The following UMAD1 variants were observed in gnomAD, a reference collection of about 807,000 sequenced individuals.
The protein encoded by UMAD1 is UBAP1-MVB12-associated (UMA)-domain containing protein 1.
UMAD1 carries 8 observed loss-of-function variants against 6.1 expected under a neutral mutation model. The ratio of observed to expected loss-of-function variants is 1.30; its 90% CI spans 0.76 to 2.35. UMAD1 has a LOEUF of 2.35. Ranked by LOEUF, UMAD1 falls within the 30% of genes most tolerant of loss-of-function variation. The pLI is 0.00. For missense variants in UMAD1, 130 were observed against 78.4 expected (o/e 1.66, Z -2.49); for synonymous variants, 56 against 31.4 (o/e 1.78, Z -2.61).
At chr7:7,873,910 G>C (rs997536016) in intron 3 of UMAD1, among the ~76,000 whole-genome samples, 1 of 152,050 alleles carries the variant, frequency 6.6e-6, no homozygotes, top group Admixed American at 6.5e-5. Flanking sequence ...AGAAAATACT[G>C]TCTGTTCTAA....
chr7:7,817,776 A>G (rs935835544), intron 3 of UMAD1, among the ~76,000 whole-genome samples: 3 of 152,102 alleles, frequency 2.0e-5, no homozygotes, highest in African/African-American at 7.2e-5. Flanking sequence ...CACATTTTCA[A>G]TGGTACTTTT....
intron 2 of UMAD1, among the ~76,000 whole-genome samples, chr7:7,788,419 C>T (rs1444809181): frequency 6.6e-6 from 1 of 152,194 alleles, no homozygotes; most frequent in Non-Finnish European, 1.5e-5. Flanking sequence ...TATTTATTCT[C>T]ATACTATTTA....
intron 1 of UMAD1, among the ~76,000 whole-genome samples, chr7:7,664,319 T>C (rs1300640473): frequency 6.6e-6 from 1 of 152,196 alleles, no homozygotes; most frequent in African/African-American, 2.4e-5. Flanking sequence ...ACAACTGTCT[T>C]AACTTCTTGG....
intron 3 of UMAD1, among the ~76,000 whole-genome samples, chr7:7,809,737 T>C (rs1467354242): frequency 2.6e-5 from 4 of 152,038 alleles, no homozygotes; most frequent in East Asian, 1.9e-4. Context: ...TTTGATTTTC[T>C]GAAAAAAGTA....
chr7:7,692,144 C>T (rs565300884), intron 2 of UMAD1, among the ~76,000 whole-genome samples: 37 of 152,104 alleles, frequency 2.4e-4, no homozygotes, highest in Non-Finnish European at 4.4e-4. Flanking sequence ...TCTGCACTCT[C>T]GCACACATAT....
chr7:7,845,620 C>T (rs552108305), intron 3 of UMAD1, among the ~76,000 whole-genome samples: 13 of 152,194 alleles, frequency 8.5e-5, no homozygotes, highest in African/African-American at 2.9e-4. Flanking sequence ...TCTCTCTATA[C>T]TGTAGGTAAA....
chr7:7,703,939 T>C (rs1391392491), intron 2 of UMAD1, among the ~76,000 whole-genome samples: 1 of 151,590 alleles, frequency 6.6e-6, no homozygotes, highest in Non-Finnish European at 1.5e-5. Context: ...ACCTGTCTCT[T>C]AACAAAGGAA....
At chr7:7,843,156 A>G (rs1783715123) in intron 3 of UMAD1, among the ~76,000 whole-genome samples, 1 of 152,246 alleles carries the variant, frequency 6.6e-6, no homozygotes, top group African/African-American at 2.4e-5. Flanking sequence ...AAAGAAAAGC[A>G]GAAGATGCCA....
At chr7:7,832,728 C>T (rs1341804802) in intron 3 of UMAD1, among the ~76,000 whole-genome samples, 1 of 152,164 alleles carries the variant, frequency 6.6e-6, no homozygotes, top group Non-Finnish European at 1.5e-5. Flanking sequence ...GGCCAAAGTA[C>T]AGTTGTTAAC....
intron 2 of UMAD1, among the ~76,000 whole-genome samples, chr7:7,739,377 C>T (rs1162770951): frequency 6.6e-6 from 1 of 152,100 alleles, no homozygotes; most frequent in Non-Finnish European, 1.5e-5. Context: ...TATTTTTCTT[C>T]GTTACTAACA....
chr7:7,780,604 T>G (rs990610592), intron 2 of UMAD1, among the ~76,000 whole-genome samples: 1 of 152,202 alleles, frequency 6.6e-6, no homozygotes, highest in African/African-American at 2.4e-5. Context: ...TCCTAGAATC[T>G]CCTCCCAACC....
At chr7:7,754,559 T>C (rs148937881) in intron 2 of UMAD1, among the ~76,000 whole-genome samples, 3 of 152,344 alleles carry the variant, frequency 2.0e-5, no homozygotes, top group African/African-American at 7.2e-5. Context: ...GTTGTTCAGA[T>C]CTGCTTTGTT....
chr7:7,877,349 T>C lies in UMAD1; in HGVS notation c.225T>C (p.Thr75=). The C allele has an allele frequency of 1.4e-6, 1 of 717,528 alleles. No homozygotes were observed. The highest frequency in any genetic ancestry group is 2.0e-5 in the Admixed American group (1 of 50,028). 44.4% of individuals were successfully genotyped at this position (717,528 alleles called of 1,614,324 possible). ...AGATGGAAAATAAGGCAGGCCAGAC[T>C]CTGGAGAACAGCTCATTAATGGCCG... is the stretch of plus-strand genomic sequence containing the variant. ...DPEMENKAGQ[T]LENSSLMAEL... The change falls in exon 4 of 4, where the codon ACT becomes ACC. Residue 75 remains threonine (T), a synonymous_variant. Transcript: ENST00000682710.
chr7:7,792,311 A>C (rs1782581229), intron 2 of UMAD1, among the ~76,000 whole-genome samples: 1 of 152,166 alleles, frequency 6.6e-6, no homozygotes. Flanking sequence ...ACAGTTGTCA[A>C]CAGAATCCTG....
chr7:7,810,497 A>G (rs1783001124), intron 3 of UMAD1, among the ~76,000 whole-genome samples: 1 of 152,182 alleles, frequency 6.6e-6, no homozygotes, highest in African/African-American at 2.4e-5. Context: ...TATAGTACTT[A>G]ATTTTATAAT....
At chr7:7,845,622 G>A (rs1334927496) in intron 3 of UMAD1, among the ~76,000 whole-genome samples, 3 of 152,066 alleles carry the variant, frequency 2.0e-5, no homozygotes, top group Non-Finnish European at 2.9e-5. Context: ...TCTCTATACT[G>A]TAGGTAAATG....
At chr7:7,843,318 T>C (rs1401020970) in intron 3 of UMAD1, among the ~76,000 whole-genome samples, 2 of 152,182 alleles carry the variant, frequency 1.3e-5, no homozygotes, top group African/African-American at 4.8e-5. Context: ...CTGAATCAGT[T>C]GCTCATTGGG....
chr7:7,676,140 G>A (rs1368292499), intron 2 of UMAD1: 1 of 398,472 alleles, frequency 2.5e-6, no homozygotes, highest in Non-Finnish European at 4.4e-6. Context: ...GCTGTTAAAA[G>A]TGCTGACCCT....
intron 1 of UMAD1, among the ~76,000 whole-genome samples, chr7:7,643,530 G>T (rs1299198522): frequency 6.6e-6 from 1 of 152,186 alleles, no homozygotes; most frequent in Non-Finnish European, 1.5e-5. Context: ...GGTCAACATG[G>T]TGAAACCCTG....
Sources: gnomAD v4.1 joint callset for allele counts (sites outside exome capture counted in the v4.1 genomes callset) on GRCh38, gnomAD v4.1.1 for gene constraint, MANE v1.5 for transcripts, NCBI Gene and HGNC (gene_info 2026-07-23, HGNC 2026-07-21) for gene names.